The following FAM220A variants were observed in gnomAD, a reference collection of about 807,000 sequenced individuals.
FAM220A encodes protein FAM220A.
For synonymous variants in FAM220A, 141 were observed against 130.7 expected (o/e 1.08, Z -0.54); for missense variants, 392 against 321.6 (o/e 1.22, Z -1.68).
At chr7:6,343,835 TC>T (rs1475354492) in intron 1 of FAM220A, among the ~76,000 whole-genome samples, 2 of 152,088 alleles carry the variant, frequency 1.3e-5, no homozygotes, top group African/African-American at 4.8e-5. Context: ...AAAATGGAGT[TC>T]CTTAGGCCTT....
intron 1 of FAM220A, among the ~76,000 whole-genome samples, chr7:6,335,020 G>A (rs894919022): frequency 1.3e-5 from 2 of 151,982 alleles, no homozygotes; most frequent in African/African-American, 4.8e-5. Context: ...ACCCGCCTTG[G>A]CCTCCCAAAG....
In FAM220A at chr7:6,348,770, C is replaced by T; in HGVS notation, c.-279G>A. 7.5e-6 allele frequency: 3 copies of T among 398,490 alleles called. No homozygotes were observed. The highest frequency in any genetic ancestry group is 8.9e-6 in the Non-Finnish European group (2 of 225,802). The allele number at this position is 398,490 out of a possible 1,614,324, so 24.7% of individuals were successfully genotyped here. Reference sequence around the variant, plus strand: ...AGAGCCGCCGCCATATAGAGACCGGCGCTCCCACAGCCCCCCCGCCCGCCC... The same window carrying T: ...AGAGCCGCCGCCATATAGAGACCGGTGCTCCCACAGCCCCCCCGCCCGCCC... On this transcript the variant is annotated 5_prime_UTR_variant, in exon 1 of 2. Coordinates refer to ENST00000313324, the MANE Select transcript of FAM220A (RefSeq NM_001037163.2).
chr7:6,340,363 T>C (rs1781828122), intron 1 of FAM220A, among the ~76,000 whole-genome samples: 1 of 150,884 alleles, frequency 6.6e-6, no homozygotes, highest in African/African-American at 2.4e-5. Context: ...GCTGAGAGGG[T>C]TGGTGCGGTG....
chr7:6,343,920 C>G (rs978496701), intron 1 of FAM220A, among the ~76,000 whole-genome samples: 6 of 152,134 alleles, frequency 3.9e-5, no homozygotes, highest in African/African-American at 1.4e-4. Flanking sequence ...TAGTCTCACT[C>G]TGTCACCCAT....
chr7:6,347,491 G>C (rs1049338837), intron 1 of FAM220A, among the ~76,000 whole-genome samples: 40 of 151,536 alleles, frequency 2.6e-4, no homozygotes, highest in African/African-American at 7.5e-4. Flanking sequence ...ACTCCAGCTT[G>C]GGCAAGAGTA....
intron 1 of FAM220A, among the ~76,000 whole-genome samples, chr7:6,332,976 T>C (rs1038637853): frequency 4.0e-5 from 6 of 151,774 alleles, no homozygotes; most frequent in African/African-American, 7.3e-5. Context: ...ATGGTCAACA[T>C]GGTGAAACCC....
intron 1 of FAM220A, among the ~76,000 whole-genome samples, chr7:6,345,021 C>T (rs547826941): frequency 1.5e-3 from 221 of 151,940 alleles, no homozygotes; most frequent in Middle Eastern, 3.4e-3. Context: ...GATTTACAGG[C>T]GTAAATCCCA....
At chr7:6,331,297 CACCCACCAAAT>C (rs1328519203) in intron 1 of FAM220A, 62 bp from the exon 2 acceptor site, 10 of 738,854 alleles carry the variant, frequency 1.4e-5, no homozygotes, top group Non-Finnish European at 2.2e-5. Context: ...AGAGCATCTA[CACCCACCAAAT>C]ATTTCCTAAC....
At position 6,331,281 on chromosome 7, in the gene FAM220A, G is replaced by C. The variant is rs1781629375; in HGVS notation, c.-81-46C>G. 3 of 891,860 alleles carry C rather than the reference G, an allele frequency of 3.4e-6. No homozygotes were observed. The African/African-American group carries it at 5.1e-5, about 15-fold the overall frequency. 55.2% of individuals were successfully genotyped at this position (891,860 alleles called of 1,614,324 possible). A position where few individuals can be genotyped will look rare whatever the true frequency, so the allele number is the denominator to read the frequency against. On this transcript the variant is annotated intron_variant, in intron 1 of 1. Coordinates refer to ENST00000313324, the MANE Select transcript of FAM220A (RefSeq NM_001037163.2). ...AAAGTTCTAAAATGAAGACACATGG[G>C]TCTTAAGAGCATCTACACCCACCAA...
intron 1 of FAM220A, among the ~76,000 whole-genome samples, chr7:6,347,658 T>C (rs1203473912): frequency 6.6e-6 from 1 of 152,152 alleles, no homozygotes; most frequent in African/African-American, 2.4e-5. Context: ...TTATTTTCCC[T>C]GGTCTTCACC....
intron 1 of FAM220A, among the ~76,000 whole-genome samples, chr7:6,346,641 A>G (rs1781955575): frequency 6.6e-6 from 1 of 152,146 alleles, no homozygotes; most frequent in South Asian, 2.1e-4. Flanking sequence ...TTGGCCTCCC[A>G]AAGTGTTGGG....
intron 1 of FAM220A, among the ~76,000 whole-genome samples, chr7:6,342,139 G>C (rs1463540805): frequency 1.3e-5 from 2 of 152,128 alleles, no homozygotes; most frequent in African/African-American, 4.8e-5. Flanking sequence ...TATTAGGTTG[G>C]TATACCAAGC....
At chr7:6,332,599 G>A (rs1781659267) in intron 1 of FAM220A, among the ~76,000 whole-genome samples, 1 of 152,090 alleles carries the variant, frequency 6.6e-6, no homozygotes, top group Non-Finnish European at 1.5e-5. Flanking sequence ...TCAGGAGGCT[G>A]ATGTGGGAGG....
At position 6,331,007 on chromosome 7, in the gene FAM220A, G is replaced by C; in HGVS notation, c.148C>G (p.Pro50Ala). ...PADAPSWMNK[P>A]VVDGNSQSEA... is the part of the protein sequence containing the mutation. Reference sequence around the variant, plus strand: ...CTTTGTGAATTTCCATCAACCACAGGCTTATTCATCCAGGAGGGTGCATCT... The same window carrying C: ...CTTTGTGAATTTCCATCAACCACAGCCTTATTCATCCAGGAGGGTGCATCT... The change falls in exon 2 of 2, where the codon CCT becomes GCT. Residue 50 changes from proline (P) to alanine (A), a missense_variant. Pro to Ala is a conservative substitution (Grantham distance 27). Transcript: ENST00000313324. 1 of 1,614,134 alleles carries C rather than the reference G, an allele frequency of 6.2e-7. No homozygotes were observed. Among genetic ancestry groups the C allele is most frequent in the Non-Finnish European group, 8.5e-7 (1 of 1,180,032 alleles).
chr7:6,333,151 A>G (rs1781672311), intron 1 of FAM220A, among the ~76,000 whole-genome samples: 2 of 145,016 alleles, frequency 1.4e-5, no homozygotes, highest in Non-Finnish European at 3.0e-5. Context: ...GCAAGACTCC[A>G]TCCCAAATAA....
At chr7:6,340,412 C>T (rs1225635749) in intron 1 of FAM220A, among the ~76,000 whole-genome samples, 1 of 152,140 alleles carries the variant, frequency 6.6e-6, no homozygotes, top group African/African-American at 2.4e-5. Context: ...TGTACAGACA[C>T]AGCCCCAACA....
intron 1 of FAM220A, among the ~76,000 whole-genome samples, chr7:6,336,590 A>T (rs1355942348): frequency 6.6e-6 from 1 of 151,708 alleles, no homozygotes; most frequent in Non-Finnish European, 1.5e-5. Context: ...AGGCTGAGAC[A>T]CGAGAATCAC....
intron 1 of FAM220A, among the ~76,000 whole-genome samples, chr7:6,337,129 T>C (rs188126967): frequency 6.6e-6 from 1 of 151,752 alleles, no homozygotes; most frequent in African/African-American, 2.4e-5. Context: ...TGGAGTGCAG[T>C]GGCGCAATCT....
intron 1 of FAM220A, among the ~76,000 whole-genome samples, chr7:6,335,650 C>T (rs1454740480): frequency 6.6e-6 from 1 of 152,118 alleles, no homozygotes; most frequent in African/African-American, 2.4e-5. Flanking sequence ...AAAATATACA[C>T]TTTATGAATA....
Sources: allele counts gnomAD v4.1 joint callset (sites outside exome capture counted in the v4.1 genomes callset), GRCh38; gene constraint gnomAD v4.1.1; transcripts MANE v1.5; gene names NCBI Gene and HGNC (gene_info 2026-07-23, HGNC 2026-07-21).